Variants in DBT observed in about 807,000 individuals in gnomAD.
DBT encodes the protein dihydrolipoamide branched chain transacylase E2.
DBT carries 40 observed loss-of-function variants against 51.3 expected under a neutral mutation model. That is an observed-to-expected ratio of 0.78 (90% CI 0.61 to 1.02). DBT has a LOEUF of 1.02. Among genes scored for constraint, DBT ranks in the 50% least tolerant of loss-of-function variants. DBT has a pLI of 0.00. For missense variants in DBT, 510 were observed against 580.2 expected, an observed-to-expected ratio of 0.88 and a Z score of 1.24; for synonymous variants, 181 against 190.4, an observed-to-expected ratio of 0.95 and a Z score of 0.41.
rs576669069 is a variant in DBT, at chr1:100,242,334, C to T, written c.52-1450G>A. On this transcript the variant is annotated intron_variant, in intron 1 of 10. Coordinates refer to ENST00000370132, the MANE Select transcript of DBT (RefSeq NM_001918.5). ...TATAAACTAGAATTTTTGTTTTTTT[C>T]TGATAGCAAATATAAAAGTAAAAGT... Among the ~76,000 whole-genome samples, 953 of 151,828 alleles carry T rather than the reference C, an allele frequency of 6.3e-3. 6 individuals carry two copies. Among genetic ancestry groups the T allele is most frequent in the Non-Finnish European group, 0.011 (749 of 67,906 alleles).
intron 4 of DBT, among the ~76,000 whole-genome samples, chr1:100,224,778 A>T (rs1663069984): frequency 6.6e-6 from 1 of 151,884 alleles, no homozygotes; most frequent in Admixed American, 6.6e-5. Flanking sequence ...GCACTTTGGG[A>T]GGCCGAGGTG....
At chr1:100,238,025 T>C (rs562008977) in intron 2 of DBT, among the ~76,000 whole-genome samples, 149 of 152,204 alleles carry the variant, frequency 9.8e-4, no homozygotes, top group African/African-American at 3.5e-3. Flanking sequence ...AGATGTAAAA[T>C]TAATAGGTTT....
intron 10 of DBT, among the ~76,000 whole-genome samples, chr1:100,203,178 A>G (rs1382474247): frequency 6.6e-6 from 1 of 152,198 alleles, no homozygotes; most frequent in Non-Finnish European, 1.5e-5. Context: ...TTTTGAAAAG[A>G]TTAACAAAAT....
intron 10 of DBT, among the ~76,000 whole-genome samples, chr1:100,199,862 A>G (rs1018677073): frequency 2.8e-4 from 43 of 152,304 alleles, no homozygotes; most frequent in Non-Finnish European, 2.2e-4. Flanking sequence ...GGTGCTATCC[A>G]GCCCAGATAC....
Position 100,187,329 on chromosome 1 carries a change from T to C in DBT, c.*8926A>G, listed in dbSNP as rs905565304. On this transcript the variant is annotated 3_prime_UTR_variant, in exon 11 of 11. Transcript: ENST00000370132. ...ACAGAAATGGCACTGGTTTCCTATATGTTGACTGAGATACTTTTTACTGCA... is the reference window on the plus strand; with the variant it reads ...ACAGAAATGGCACTGGTTTCCTATACGTTGACTGAGATACTTTTTACTGCA... 1 of 152,338 alleles carries C rather than the reference T, an allele frequency of 6.6e-6. No individual in the cohort carries two copies. The highest frequency in any genetic ancestry group is 2.4e-5 in the African/African-American group (1 of 41,574). The allele number at this position is 152,338 out of a possible 1,614,324, so 9.4% of individuals were successfully genotyped here.
intron 1 of DBT, among the ~76,000 whole-genome samples, chr1:100,248,611 C>T (rs747088092): frequency 5.3e-5 from 8 of 151,852 alleles, no homozygotes; most frequent in Admixed American, 1.3e-4. Flanking sequence ...ATTTAAAAGG[C>T]GGGAAGGGAA....
At position 100,218,621 on chromosome 1, in the gene DBT, C is replaced by G. The variant is rs561811913; in HGVS notation, c.555+5G>C. On this transcript the variant is annotated splice_donor_5th_base_variant and intron_variant, in intron 5 of 10. Transcript: ENST00000370132. ...ATCTCAGACTTAAATATTAAGAGAA[C>G]TTACATTGTTTTCCATTGCCAGACG... 6.2e-7 allele frequency: 1 copy of G among 1,613,660 alleles called. No individual in the cohort carries two copies. Among genetic ancestry groups the G allele is most frequent in the African/African-American group, 1.3e-5 (1 of 74,996 alleles).
rs1662094731 is a variant in DBT, at chr1:100,210,837, A to G, written c.940-66T>C. 2.5e-6 allele frequency: 4 copies of G among 1,597,526 alleles called. No homozygotes were observed. In the Admixed American group the frequency reaches 6.7e-5, roughly 27 times the overall value. ...TTAGAAAGGATAGAGAATTTGAAAC[A>G]ATAAGAGGTATAAAAGGAGGGAGAG... On this transcript the variant is annotated intron_variant, in intron 7 of 10. Coordinates refer to ENST00000370132, the MANE Select transcript of DBT (RefSeq NM_001918.5).
In DBT at chr1:100,230,921, GA is replaced by G; in HGVS notation, c.252-8del. On this transcript the variant is annotated splice_region_variant and splice_polypyrimidine_tract_variant and intron_variant, in intron 3 of 10. Coordinates refer to ENST00000370132, the MANE Select transcript of DBT (RefSeq NM_001918.5). ...ATCTCCTTCTTTTACATACCTAAAAGAAAAAGAAATGAGACACTTTTATGGA... is the reference window on the plus strand; with the variant it reads ...ATCTCCTTCTTTTACATACCTAAAAGAAAAGAAATGAGACACTTTTATGGA... 1 of 1,549,966 alleles carries G rather than the reference GA, an allele frequency of 6.5e-7. No individual in the cohort carries two copies. Among genetic ancestry groups the G allele is most frequent in the Non-Finnish European group, 8.9e-7 (1 of 1,122,524 alleles).
intron 4 of DBT, among the ~76,000 whole-genome samples, chr1:100,227,061 T>C (rs1663260047): frequency 1.3e-5 from 2 of 152,252 alleles, no homozygotes; most frequent in South Asian, 4.1e-4. Flanking sequence ...CTATTGCTCC[T>C]AGGTCACAAA....
chr1:100,239,644 G>A (rs1411061720), intron 2 of DBT, among the ~76,000 whole-genome samples: 1 of 151,934 alleles, frequency 6.6e-6, no homozygotes, highest in Non-Finnish European at 1.5e-5. Flanking sequence ...GCAGAGGCAG[G>A]AGGATCTCTT....
chr1:100,231,798 G>A (rs1413003743), intron 3 of DBT, among the ~76,000 whole-genome samples: 1 of 152,106 alleles, frequency 6.6e-6, no homozygotes, highest in African/African-American at 2.4e-5. Flanking sequence ...TCAAAAAAAG[G>A]CTTGCAACAA....
rs1184322880 is a variant in DBT, at chr1:100,214,865, A to G, written c.891T>C (p.Ile297=). ...LVKLREELKP[I]AFARGIKLSF... ...AGAGTTTAATTCCACGAGCAAATGC[A>G]ATGGGTTTTAATTCTTCTCGGAGCT... Residue 297 remains isoleucine, a synonymous_variant, in exon 7 of 11, where the codon ATT becomes ATC. Transcript: ENST00000370132. The G allele has an allele frequency of 2.5e-6, 4 of 1,614,076 alleles. No individual in the cohort carries two copies. The highest frequency in any genetic ancestry group is 3.3e-5 in the Admixed American group (2 of 60,002).
intron 8 of DBT, among the ~76,000 whole-genome samples, chr1:100,207,084 A>G (rs913188438): frequency 5.3e-5 from 8 of 152,212 alleles, no homozygotes; most frequent in Non-Finnish European, 1.2e-4. Flanking sequence ...GTCCAAAAAA[A>G]GATGATAATT....
chr1:100,213,481 C>A, intron 7 of DBT: 1 of 1,546,342 alleles, frequency 6.5e-7, no homozygotes, highest in Non-Finnish European at 8.9e-7. Context: ...ACAGCTGGAC[C>A]GTCATCCGCT....
At chr1:100,197,257 T>C (rs1353042519) in intron 10 of DBT, among the ~76,000 whole-genome samples, 4 of 152,232 alleles carry the variant, frequency 2.6e-5, no homozygotes, top group Non-Finnish European at 4.4e-5. Flanking sequence ...ATGTGGATCC[T>C]TGAGCACACT....
At position 100,249,801 on chromosome 1, in the gene DBT, A is replaced by C; in HGVS notation, c.20T>G (p.Leu7Arg). 6.2e-7 allele frequency: 1 copy of C among 1,614,204 alleles called. No homozygotes were observed. The highest frequency in any genetic ancestry group is 8.5e-7 in the Non-Finnish European group (1 of 1,180,024). The change falls in exon 1 of 11, where the codon CTG becomes CGG. Residue 7 changes from leucine (L) to arginine (R), a missense_variant. Transcript: ENST00000370132. MAAVRM[L>R]RTWSRNAGKL... ...CCCCGCATTCCTGCTCCAGGTTCTC[A>C]GCATACGGACTGCAGCCATCTTACC...
intron 3 of DBT, among the ~76,000 whole-genome samples, chr1:100,232,755 C>T (rs1663620520): frequency 6.6e-6 from 1 of 152,052 alleles, no homozygotes. Flanking sequence ...AGGCCTGTGC[C>T]ACCATGCCAG....
rs200612682 is a variant in DBT, at chr1:100,216,008, G to A, written c.747C>T (p.Gly249=). 6.2e-7 allele frequency: 1 copy of A among 1,603,334 alleles called. No individual in the cohort carries two copies. The highest frequency in any genetic ancestry group is 8.5e-7 in the Non-Finnish European group (1 of 1,170,552). The change falls in exon 6 of 11, where the codon GGC becomes GGT. Residue 249 remains glycine, a synonymous_variant. Transcript: ENST00000370132. ...CTTTTATGGGTTCTGTTTTGTCTTT[G>A]CCTGTGAATACCGGAGGTTTTGATA... ...ILVSKPPVFT[G]KDKTEPIKGF... is the part of the protein sequence containing the mutation.
Sources: allele counts gnomAD v4.1 joint callset (sites outside exome capture counted in the v4.1 genomes callset), GRCh38; gene constraint gnomAD v4.1.1; transcripts MANE v1.5; gene names NCBI Gene and HGNC (gene_info 2026-07-23, HGNC 2026-07-21).